CSGALNACT1: variants seen among roughly 807,000 people sequenced by gnomAD.
The protein encoded by CSGALNACT1 is chondroitin sulfate N-acetylgalactosaminyltransferase 1, also known as beta4GalNAcT-1.
A neutral mutation model predicts 51.0 loss-of-function variants in CSGALNACT1; 52 were observed. That is an observed-to-expected ratio of 1.02 (90% CI 0.82 to 1.29). The LOEUF is 1.29. CSGALNACT1 is among the 50% of genes most tolerant of loss of function. The pLI is 0.00. For synonymous variants in CSGALNACT1, 341 were observed against 254.4 expected, an observed-to-expected ratio of 1.34 and a Z score of -3.24; for missense variants, 935 against 679.2, an observed-to-expected ratio of 1.38 and a Z score of -4.19.
chr8:19,652,111 T>A lies in CSGALNACT1; in HGVS notation c.-544+30362A>T, dbSNP rs921122475. ...CACCCAGCTAATTTTAAATATTTAT[T>A]TTTATTTATTTTTTTCTTTTGTAGA... On this transcript the variant is annotated intron_variant, in intron 1 of 9. Transcript: ENST00000332246. Among the ~76,000 whole-genome samples, 3 of 151,932 alleles carry A rather than the reference T, an allele frequency of 2.0e-5. No individual in the cohort carries two copies. In the South Asian group the frequency reaches 6.2e-4, roughly 31 times the overall value.
intron 1 of CSGALNACT1, among the ~76,000 whole-genome samples, chr8:19,631,884 A>AG: frequency 6.6e-6 from 1 of 152,304 alleles, no homozygotes. Context: ...GGCAGCAGGG[A>AG]GGGGCCTGGC....
chr8:19,692,182 C>T (rs186210263), intron 1 of CSGALNACT1, among the ~76,000 whole-genome samples: 64 of 152,214 alleles, frequency 4.2e-4, no homozygotes, highest in African/African-American at 1.3e-3. Flanking sequence ...GTCCCTCCCT[C>T]GACACACAGG....
intron 1 of CSGALNACT1, among the ~76,000 whole-genome samples, chr8:19,731,313 G>A (rs1248391458): frequency 6.6e-6 from 1 of 152,012 alleles, no homozygotes; most frequent in East Asian, 1.9e-4. Flanking sequence ...TTCGAGGCCA[G>A]CCTGGCCAAC....
intron 4 of CSGALNACT1, among the ~76,000 whole-genome samples, chr8:19,483,433 T>C (rs1324299522): frequency 6.6e-6 from 1 of 152,186 alleles, no homozygotes; most frequent in East Asian, 1.9e-4. Flanking sequence ...GATTTTAGCC[T>C]TATGAATTCA....
intron 4 of CSGALNACT1, among the ~76,000 whole-genome samples, chr8:19,499,708 C>T (rs933200070): frequency 2.0e-5 from 3 of 152,204 alleles, no homozygotes; most frequent in Non-Finnish European, 4.4e-5. Flanking sequence ...TCCTTGACCT[C>T]TCCCTTCTGT....
At chr8:19,650,579 G>A (rs2057712398) in intron 1 of CSGALNACT1, among the ~76,000 whole-genome samples, 1 of 152,284 alleles carries the variant, frequency 6.6e-6, no homozygotes, top group South Asian at 2.1e-4. Context: ...TGATGACGGG[G>A]TCAACGTGGT....
At chr8:19,487,570 G>A (rs1015387874) in intron 4 of CSGALNACT1, among the ~76,000 whole-genome samples, 7 of 152,158 alleles carry the variant, frequency 4.6e-5, no homozygotes, top group African/African-American at 4.8e-5. Flanking sequence ...AGATTCTGGA[G>A]AAGAAAAATG....
chr8:19,486,591 C>T (rs2072999099), intron 4 of CSGALNACT1, among the ~76,000 whole-genome samples: 2 of 152,212 alleles, frequency 1.3e-5, no homozygotes, highest in Admixed American at 1.3e-4. Flanking sequence ...TGGAAACTCT[C>T]TTCCTTCAGG....
rs141556601 is a variant in CSGALNACT1 at position 19,503,452 on chromosome 8, A to T, written c.634+1749T>A. Among the ~76,000 whole-genome samples the T allele has an allele frequency of 3.0e-3, 455 of 152,344 alleles. 6 individuals carry two copies. The highest frequency in any genetic ancestry group is 0.011 in the African/African-American group (438 of 41,584). ...GATTTCAAATATGAATGCAGATTGA[A>T]CATCACAAGGTCACACATTCCAAAT... is the stretch of plus-strand genomic sequence containing the variant. On this transcript the variant is annotated intron_variant, in intron 4 of 9. Transcript: ENST00000454498.
chr8:19,521,744 C>G (rs1486404475), intron 3 of CSGALNACT1, among the ~76,000 whole-genome samples: 1 of 152,172 alleles, frequency 6.6e-6, no homozygotes, highest in African/African-American at 2.4e-5. Context: ...TGAAAAATAA[C>G]ACACACAAGA....
intron 1 of CSGALNACT1, among the ~76,000 whole-genome samples, chr8:19,716,510 G>T (rs1383559475): frequency 2.0e-5 from 3 of 147,086 alleles, no homozygotes; most frequent in Non-Finnish European, 4.4e-5. Context: ...GGGCACAGTG[G>T]CTCATGCCTG....
chr8:19,523,164 GA>G (rs1213966559), intron 3 of CSGALNACT1, among the ~76,000 whole-genome samples: 10 of 152,184 alleles, frequency 6.6e-5, no homozygotes, highest in Admixed American at 6.5e-4. Context: ...AAGCACCTGT[GA>G]AAGAGGGGCG....
At chr8:19,417,446 G>A (rs1022346978) in intron 8 of CSGALNACT1, among the ~76,000 whole-genome samples, 2 of 152,114 alleles carry the variant, frequency 1.3e-5, no homozygotes, top group African/African-American at 4.8e-5. Flanking sequence ...GCACAGGATG[G>A]GGCTGGAAAC....
At chr8:19,582,768 T>G (rs566951973) in intron 3 of CSGALNACT1, among the ~76,000 whole-genome samples, 1 of 152,254 alleles carries the variant, frequency 6.6e-6, no homozygotes, top group Admixed American at 6.5e-5. Flanking sequence ...GTCCCTGGAC[T>G]AAGGTATCCT....
intron 1 of CSGALNACT1, among the ~76,000 whole-genome samples, chr8:19,701,352 C>G (rs1345449558): frequency 6.6e-6 from 1 of 151,156 alleles, no homozygotes; most frequent in Non-Finnish European, 1.5e-5. Context: ...AGGGGTTTCA[C>G]CATGTTGGCC....
At chr8:19,674,939 G>A (rs982365062) in intron 1 of CSGALNACT1, among the ~76,000 whole-genome samples, 1 of 152,182 alleles carries the variant, frequency 6.6e-6, no homozygotes, top group Non-Finnish European at 1.5e-5. Context: ...GCAGGGCATT[G>A]CCCATCTTGA....
intron 1 of CSGALNACT1, among the ~76,000 whole-genome samples, chr8:19,661,443 T>C (rs1012375781): frequency 1.3e-5 from 2 of 152,202 alleles, no homozygotes; most frequent in African/African-American, 2.4e-5. Flanking sequence ...AAACTCTCAA[T>C]GAAAAACTGT....
chr8:19,674,689 T>A (rs11776531), intron 1 of CSGALNACT1, among the ~76,000 whole-genome samples: 79,971 of 151,490 alleles, frequency 0.53, 21,540 homozygotes, highest in Non-Finnish European at 0.6. Flanking sequence ...CTAACTTACC[T>A]TCTAACTTAC....
chr8:19,702,068 A>C (rs907679308), intron 1 of CSGALNACT1, among the ~76,000 whole-genome samples: 5 of 152,204 alleles, frequency 3.3e-5, no homozygotes, highest in African/African-American at 1.2e-4. Context: ...TACCTGTTAC[A>C]TTAAATACTG....
Sources: allele counts gnomAD v4.1 joint callset (sites outside exome capture counted in the v4.1 genomes callset), GRCh38; gene constraint gnomAD v4.1.1; transcripts MANE v1.5; gene names NCBI Gene and HGNC (gene_info 2026-07-23, HGNC 2026-07-21).